TXNDC9: variants seen among roughly 807,000 people sequenced by gnomAD.
TXNDC9 encodes thioredoxin domain containing 9, also known as thioredoxin domain-containing protein 9.
TXNDC9 carries 7 observed loss-of-function variants against 23.0 expected under a neutral mutation model. The observed-to-expected ratio is 0.30, with a 90% CI of 0.17 to 0.57. TXNDC9 has a LOEUF of 0.57. Ranked by LOEUF, TXNDC9 falls within the 20% of genes least tolerant of loss-of-function variation. TXNDC9 has a pLI of 0.90. For missense variants in TXNDC9, 198 were observed against 252.6 expected (o/e 0.78, Z 1.47); for synonymous variants, 72 against 90.6 (o/e 0.79, Z 1.17).
In TXNDC9 at chr2:99,320,401, G is replaced by A. The variant is rs571429567; in HGVS notation, c.564-602C>T. On this transcript the variant is annotated intron_variant, in intron 4 of 4. Coordinates refer to ENST00000264255, the MANE Select transcript of TXNDC9 (RefSeq NM_005783.4). ...TGAGAGAAACCATCACACACCTCCC[G>A]ATATGATGCATCACTTCCATAATAT... 1.1e-4 allele frequency among the ~76,000 whole-genome samples: 17 copies of A among 152,184 alleles called. 1 individual carries two copies. Among genetic ancestry groups the A allele is most frequent in the Admixed American group, 2.6e-4 (4 of 15,268 alleles).
At chr2:99,307,134 CTT>C in the TXNDC9 span, among the ~76,000 whole-genome samples, 7 of 122,992 alleles carry the variant, frequency 5.7e-5, no homozygotes, top group African/African-American at 1.7e-4. Context: ...CTCTCTCTCT[CTT>C]CCTTCCTTGT....
intron 3 of TXNDC9, 140 bp downstream of exon 3, chr2:99,327,394 TA>T (rs2094215116): frequency 4.8e-6 from 3 of 627,026 alleles, no homozygotes; most frequent in Non-Finnish European, 5.6e-6. Context: ...TAATACTAAA[TA>T]ACATATGAGA....
At chr2:99,330,643 CCCTA>C (rs1484163305) in intron 2 of TXNDC9, among the ~76,000 whole-genome samples, 11 of 152,158 alleles carry the variant, frequency 7.2e-5, no homozygotes, top group Admixed American at 5.9e-4. Flanking sequence ...CTATTCTGCT[CCCTA>C]CCTAAGTGTG....
chr2:99,322,461 A>G, intron 3 of TXNDC9: 2 of 1,306,160 alleles, frequency 1.5e-6, no homozygotes, highest in Non-Finnish European at 1.0e-6. Flanking sequence ...TTAAAATATT[A>G]AATATATGCT....
chr2:99,334,119 G>A (rs1238612973), intron 1 of TXNDC9, among the ~76,000 whole-genome samples: 1 of 152,232 alleles, frequency 6.6e-6, no homozygotes, highest in Non-Finnish European at 1.5e-5. Flanking sequence ...GGGAGGCCAA[G>A]GTGGGCAGAT....
intron 1 of TXNDC9, among the ~76,000 whole-genome samples, chr2:99,335,907 G>C (rs935505416): frequency 5.3e-5 from 8 of 152,190 alleles, no homozygotes; most frequent in Non-Finnish European, 7.3e-5. Flanking sequence ...AGGGTGGGAC[G>C]GGACACAGCG....
Position 99,319,674 on chromosome 2 carries a change from A to G in TXNDC9, c.*8T>C. On this transcript the variant is annotated 3_prime_UTR_variant, in exon 5 of 5. Transcript: ENST00000264255. Reference sequence around the variant, plus strand: ...AAAAAAAGACAATTTACAAAGAATTATTGAGCTCTAATCATCATCAGAGTC... The same window carrying G: ...AAAAAAAGACAATTTACAAAGAATTGTTGAGCTCTAATCATCATCAGAGTC... The G allele has an allele frequency of 5.9e-6, 9 of 1,538,168 alleles. No homozygotes were observed. Among genetic ancestry groups the G allele is most frequent in the Non-Finnish European group, 7.1e-6 (8 of 1,133,162 alleles).
chr2:99,335,975 T>C (rs1379391540), intron 1 of TXNDC9, among the ~76,000 whole-genome samples: 1 of 152,138 alleles, frequency 6.6e-6, no homozygotes, highest in African/African-American at 2.4e-5. Context: ...GCCAAAACAA[T>C]CAAGGGGCCT....
chr2:99,315,266 C>T (rs893774484), downstream of TXNDC9, among the ~76,000 whole-genome samples: 5 of 151,820 alleles, frequency 3.3e-5, no homozygotes, highest in African/African-American at 4.8e-5. Context: ...GGGGTTTCAC[C>T]GTGTTAGCCA....
intron 2 of TXNDC9, among the ~76,000 whole-genome samples, chr2:99,331,849 C>T (rs1365226286): frequency 6.6e-6 from 1 of 152,164 alleles, no homozygotes; most frequent in Non-Finnish European, 1.5e-5. Context: ...CCTGCCTCAG[C>T]CTCCTGAGTA....
intron 2 of TXNDC9, among the ~76,000 whole-genome samples, chr2:99,328,974 C>T (rs756798462): frequency 8.5e-5 from 13 of 152,142 alleles, no homozygotes; most frequent in Non-Finnish European, 1.3e-4. Context: ...GAGTGAGACT[C>T]TGTCTCAAAA....
the TXNDC9 span, among the ~76,000 whole-genome samples, chr2:99,308,946 C>T: frequency 7.9e-5 from 12 of 152,020 alleles, no homozygotes; most frequent in African/African-American, 2.9e-4. Context: ...TCGTGATCCG[C>T]CCGCCTCGGC....
At chr2:99,321,751 A>G (rs1419878469) in intron 4 of TXNDC9, 1 of 578,244 alleles carries the variant, frequency 1.7e-6, no homozygotes, top group Non-Finnish European at 2.9e-6. Flanking sequence ...CTATTAAATC[A>G]GTTTAATCTG....
intron 2 of TXNDC9, 64 bp downstream of exon 2, chr2:99,332,956 ATG>A: frequency 8.1e-7 from 1 of 1,241,914 alleles, no homozygotes; most frequent in Non-Finnish European, 1.2e-6. Context: ...ACTACAGCAC[ATG>A]TATATATAAG....
rs2105318015 is a variant in TXNDC9, at chr2:99,319,368, C to T, written c.*314G>A. The T allele has an allele frequency of 5.3e-6, 1 of 189,128 alleles. No homozygotes were observed. The highest frequency in any genetic ancestry group is 1.5e-4 in the South Asian group (1 of 6,602). The allele number at this position is 189,128 out of a possible 1,614,324, so 11.7% of individuals were successfully genotyped here. On this transcript the variant is annotated 3_prime_UTR_variant, in exon 5 of 5. Coordinates refer to ENST00000264255, the MANE Select transcript of TXNDC9 (RefSeq NM_005783.4). ...TAAGAATTAGTCCTGGAATAGTTTTCGAATTTCTAACTCTGTAGATCTAAA... is the reference window on the plus strand; with the variant it reads ...TAAGAATTAGTCCTGGAATAGTTTTTGAATTTCTAACTCTGTAGATCTAAA...
intron 2 of TXNDC9, among the ~76,000 whole-genome samples, chr2:99,328,232 A>G (rs557906524): frequency 6.0e-5 from 9 of 149,016 alleles, no homozygotes; most frequent in African/African-American, 2.2e-4. Context: ...AGGAATTGGG[A>G]CCACTGGCGC....
At chr2:99,331,805 C>T (rs1470660021) in intron 2 of TXNDC9, among the ~76,000 whole-genome samples, 8 of 152,154 alleles carry the variant, frequency 5.3e-5, no homozygotes, top group Non-Finnish European at 7.4e-5. Flanking sequence ...TCTCGACTCA[C>T]GGCAACCTCC....
At chr2:99,329,778 G>A (rs1006548549) in intron 2 of TXNDC9, among the ~76,000 whole-genome samples, 1 of 151,758 alleles carries the variant, frequency 6.6e-6, no homozygotes, top group African/African-American at 2.4e-5. Flanking sequence ...GAACAGCCTG[G>A]GCAACACGGC....
intron 2 of TXNDC9, 117 bp from the exon 3 acceptor site, chr2:99,327,770 GTTTTT>G (rs1017030015): frequency 4.2e-6 from 2 of 474,394 alleles, no homozygotes; most frequent in Non-Finnish European, 7.2e-6. Flanking sequence ...AAAAAAAAAA[GTTTTT>G]TTTTTGTTTG....
Sources: gnomAD v4.1 joint callset for allele counts (sites outside exome capture counted in the v4.1 genomes callset) on GRCh38, gnomAD v4.1.1 for gene constraint, MANE v1.5 for transcripts, NCBI Gene and HGNC (gene_info 2026-07-23, HGNC 2026-07-21) for gene names.